RREB1: variants seen among roughly 807,000 people sequenced by gnomAD.
RREB1 encodes the protein ras responsive element binding protein 1.
RREB1 carries 27 observed loss-of-function variants against 117.8 expected under a neutral mutation model. The observed-to-expected ratio is 0.23, with a 90% CI of 0.17 to 0.32. RREB1 has a LOEUF of 0.32. Ranked by LOEUF, RREB1 falls within the 10% of genes least tolerant of loss-of-function variation. The pLI, the probability that RREB1 is intolerant of heterozygous loss-of-function variation, is 1.00. For synonymous variants in RREB1, 1,298 were observed against 1,026.7 expected, an observed-to-expected ratio of 1.26 and a Z score of -5.05; for missense variants, 2,577 against 2,378.2, an observed-to-expected ratio of 1.08 and a Z score of -1.74.
In RREB1 at chr6:7,231,260, C is replaced by G; in HGVS notation, c.3161C>G (p.Pro1054Arg). 6.2e-7 allele frequency: 1 copy of G among 1,612,468 alleles called. No individual in the cohort carries two copies. Among genetic ancestry groups the G allele is most frequent in the East Asian group, 2.2e-5 (1 of 44,876 alleles). The change falls in exon 10 of 13, where the codon CCA becomes CGA. Residue 1054 changes from proline to arginine, a missense_variant. Pro to Arg is a moderately radical substitution (Grantham distance 103, BLOSUM62 -2). Coordinates refer to ENST00000379938, the MANE Select transcript of RREB1 (RefSeq NM_001003699.4). ...PLRPKPPLLL[P>R]KPPVTEELPP... Reference sequence around the variant, plus strand: ...CGGCCCAAGCCCCCGCTGCTTTTGCCAAAGCCCCCCGTGACAGAAGAGCTG... The same window carrying G: ...CGGCCCAAGCCCCCGCTGCTTTTGCGAAAGCCCCCCGTGACAGAAGAGCTG...
intron 1 of RREB1, among the ~76,000 whole-genome samples, chr6:7,175,257 A>C (rs926275499): frequency 3.9e-5 from 6 of 152,134 alleles, no homozygotes; most frequent in African/African-American, 1.2e-4. Flanking sequence ...TGTGTCACGC[A>C]AAACAGGGAT....
intron 4 of RREB1, among the ~76,000 whole-genome samples, chr6:7,184,252 G>A (rs1011089187): frequency 6.6e-6 from 1 of 151,670 alleles, no homozygotes; most frequent in African/African-American, 2.4e-5. Context: ...GTCTTTTCTA[G>A]TAGGTTCATT....
intron 11 of RREB1, among the ~76,000 whole-genome samples, chr6:7,245,503 T>G (rs559380117): frequency 6.6e-6 from 1 of 152,388 alleles, no homozygotes; most frequent in South Asian, 2.1e-4. Flanking sequence ...TTATTAAGTC[T>G]TCTTTCAACC....
chr6:7,177,273 A>T (rs894021288), intron 2 of RREB1, among the ~76,000 whole-genome samples: 6 of 147,574 alleles, frequency 4.1e-5, no homozygotes, highest in African/African-American at 1.5e-4. Context: ...ATAACTTGTT[A>T]GTTCTTGATC....
chr6:7,202,512 C>T (rs1766043207), intron 6 of RREB1, among the ~76,000 whole-genome samples: 1 of 152,132 alleles, frequency 6.6e-6, no homozygotes, highest in South Asian at 2.1e-4. Flanking sequence ...TCTCTGGTGG[C>T]CGGCGATGGC....
intron 6 of RREB1, among the ~76,000 whole-genome samples, chr6:7,194,565 G>A (rs893159351): frequency 1.3e-5 from 2 of 152,144 alleles, no homozygotes; most frequent in African/African-American, 4.8e-5. Context: ...CTACTTGTTT[G>A]TGCTAATTGT....
chr6:7,118,998 A>G (rs572692590), intron 1 of RREB1, among the ~76,000 whole-genome samples: 14 of 151,800 alleles, frequency 9.2e-5, no homozygotes, highest in Non-Finnish European at 1.8e-4. Flanking sequence ...TATTGATTCA[A>G]TACATATTTG....
chr6:7,115,113 G>A (rs749193282), intron 1 of RREB1, among the ~76,000 whole-genome samples: 8 of 151,670 alleles, frequency 5.3e-5, no homozygotes, highest in African/African-American at 9.7e-5. Context: ...ACCGTCTGCC[G>A]TTTTTATAGG....
At chr6:7,125,707 AAG>A (rs1484894975) in intron 1 of RREB1, among the ~76,000 whole-genome samples, 1 of 152,164 alleles carries the variant, frequency 6.6e-6, no homozygotes, top group Non-Finnish European at 1.5e-5. Context: ...GGGTGATTGT[AAG>A]AGGCCCAGTG....
intron 1 of RREB1, among the ~76,000 whole-genome samples, chr6:7,176,359 C>CCG (rs1453925477): frequency 6.6e-6 from 1 of 152,176 alleles, no homozygotes; most frequent in African/African-American, 2.4e-5. Context: ...AGCTCCCCCC[C>CCG]GGAGCCAGTG....
At chr6:7,208,405 C>T (rs149505553) in intron 6 of RREB1, among the ~76,000 whole-genome samples, 1 of 152,330 alleles carries the variant, frequency 6.6e-6, no homozygotes, top group East Asian at 1.9e-4. Flanking sequence ...CGGACCCCTC[C>T]AACCCTGCAG....
intron 1 of RREB1, among the ~76,000 whole-genome samples, chr6:7,127,992 A>G (rs746703700): frequency 1.3e-5 from 2 of 152,188 alleles, no homozygotes; most frequent in Admixed American, 6.5e-5. Context: ...AAAGACAATT[A>G]ATGGTGTAGT....
chr6:7,146,361 AG>A (rs781155072), intron 1 of RREB1, among the ~76,000 whole-genome samples: 3 of 151,296 alleles, frequency 2.0e-5, no homozygotes, highest in East Asian at 1.9e-4. Context: ...ATGGCCTGAG[AG>A]GGGGAAAGCA....
chr6:7,154,949 C>T (rs1314572191), intron 1 of RREB1, among the ~76,000 whole-genome samples: 1 of 152,162 alleles, frequency 6.6e-6, no homozygotes, highest in Non-Finnish European at 1.5e-5. Context: ...GTGCTGGTGA[C>T]AGTGTTGGTC....
At chr6:7,220,257 T>G (rs761193425) in intron 8 of RREB1, among the ~76,000 whole-genome samples, 1 of 152,188 alleles carries the variant, frequency 6.6e-6, no homozygotes, top group Non-Finnish European at 1.5e-5. Context: ...TGAAACAGGC[T>G]CTTGTGCACT....
intron 2 of RREB1, among the ~76,000 whole-genome samples, chr6:7,177,259 A>G (rs762888160): frequency 7.4e-4 from 111 of 150,054 alleles, no homozygotes; most frequent in Non-Finnish European, 1.4e-3. Flanking sequence ...AAGAAATTGT[A>G]ACTATAACTT....
At chr6:7,152,710 G>T (rs1340958725) in intron 1 of RREB1, among the ~76,000 whole-genome samples, 1 of 152,214 alleles carries the variant, frequency 6.6e-6, no homozygotes, top group African/African-American at 2.4e-5. Flanking sequence ...CTTCATCTCA[G>T]TGCTTAGCTT....
intron 1 of RREB1, among the ~76,000 whole-genome samples, chr6:7,131,177 CG>C: frequency 6.7e-6 from 1 of 148,934 alleles, no homozygotes; most frequent in South Asian, 2.2e-4. Flanking sequence ...CCATCCACGT[CG>C]GCCTCCCAAA....
chr6:7,226,980 C>A (rs1316671771), intron 9 of RREB1, among the ~76,000 whole-genome samples: 3 of 152,182 alleles, frequency 2.0e-5, no homozygotes, highest in Non-Finnish European at 4.4e-5. Context: ...GTGGCTCACA[C>A]CTGTAACGCC....
Sources: allele counts gnomAD v4.1 joint callset (sites outside exome capture counted in the v4.1 genomes callset), GRCh38; gene constraint gnomAD v4.1.1; transcripts MANE v1.5; gene names NCBI Gene and HGNC (gene_info 2026-07-23, HGNC 2026-07-21).